The following CDC42BPA variants were observed in gnomAD, a reference collection of about 807,000 sequenced individuals.
The protein encoded by CDC42BPA is CDC42 binding protein kinase alpha.
A neutral mutation model predicts 223.5 loss-of-function variants in CDC42BPA; 80 were observed. That is an observed-to-expected ratio of 0.36 (90% confidence interval 0.30 to 0.43). The LOEUF (loss-of-function observed/expected upper bound fraction) is 0.43, where lower values mean the gene tolerates loss of function less well. Among genes scored for constraint, CDC42BPA ranks in the 20% least tolerant of loss-of-function variants. The pLI, the probability that CDC42BPA is intolerant of heterozygous loss-of-function variation, is 1.00. For missense variants in CDC42BPA, 1,743 were observed against 2,099.9 expected, an observed-to-expected ratio of 0.83 and a Z score of 3.32; for synonymous variants, 694 against 718.6, an observed-to-expected ratio of 0.97 and a Z score of 0.55.
At chr1:227,179,635 C>CAAA (rs59744442) in intron 5 of CDC42BPA, among the ~76,000 whole-genome samples, 20,026 of 34,114 alleles carry the variant, frequency 0.59, 8,079 homozygotes, top group Middle Eastern at 1. Context: ...GCCTCCATCT[C>CAAA]AAAAAAAAAA....
At chr1:227,135,709 C>T (rs1282486105) in intron 10 of CDC42BPA, among the ~76,000 whole-genome samples, 1 of 151,788 alleles carries the variant, frequency 6.6e-6, no homozygotes, top group Non-Finnish European at 1.5e-5. Flanking sequence ...AAAAAATTAG[C>T]CAGGCATGGT....
chr1:227,173,924 G>A (rs1025116106), intron 5 of CDC42BPA, among the ~76,000 whole-genome samples: 1 of 152,082 alleles, frequency 6.6e-6, no homozygotes, highest in African/African-American at 2.4e-5. Context: ...ACTTGGAGTG[G>A]TCTAACTGGA....
intron 16 of CDC42BPA, among the ~76,000 whole-genome samples, chr1:227,082,709 T>C (rs11811824): frequency 0.3 from 35,412 of 118,522 alleles, 4,947 homozygotes; most frequent in African/African-American, 0.36. Context: ...AATGAGACTC[T>C]GTCTCAAAAA....
At chr1:227,274,244 C>T (rs964753363) in intron 1 of CDC42BPA, among the ~76,000 whole-genome samples, 4 of 152,074 alleles carry the variant, frequency 2.6e-5, no homozygotes, top group Non-Finnish European at 5.9e-5. Flanking sequence ...CTCCACCTTC[C>T]ACACCTTATA....
rs369403944 is a variant in CDC42BPA at position 227,297,967 on chromosome 1, T to TATATATATAC, written c.178+19037_178+19038insGTATATATAT. On this transcript the variant is annotated intron_variant, in intron 1 of 36. Coordinates refer to ENST00000366766, the MANE Select transcript of CDC42BPA (RefSeq NM_001394014.1). The stretch of plus-strand genomic sequence containing the variant: ...GTGTGTGTGTGTGTATATATACATA[T>TATATATATAC]ACACACACACACACATATATACATA... Among the ~76,000 whole-genome samples the TATATATATAC allele has an allele frequency of 5.3e-3, 697 of 132,062 alleles. 8 individuals are homozygous for TATATATATAC. Among genetic ancestry groups the TATATATATAC allele is most frequent in the African/African-American group, 0.019 (657 of 34,198 alleles). The allele number at this position is 132,062 out of a possible 152,430, so 86.6% of individuals were successfully genotyped here. A position where few individuals can be genotyped will look rare whatever the true frequency, so the allele number is the denominator to read the frequency against.
intron 1 of CDC42BPA, among the ~76,000 whole-genome samples, chr1:227,259,457 C>T (rs749382824): frequency 1.1e-4 from 17 of 151,044 alleles, no homozygotes; most frequent in Non-Finnish European, 2.4e-4. Context: ...GGAAGTGTTC[C>T]GATAGCTTCC....
intron 6 of CDC42BPA, among the ~76,000 whole-genome samples, chr1:227,159,784 C>T (rs1182717132): frequency 6.6e-6 from 1 of 152,082 alleles, no homozygotes; most frequent in African/African-American, 2.4e-5. Flanking sequence ...CCTCAGCCTC[C>T]CAAAGTGTTG....
intron 6 of CDC42BPA, among the ~76,000 whole-genome samples, chr1:227,159,912 T>C (rs1339748915): frequency 6.6e-6 from 1 of 151,956 alleles, no homozygotes; most frequent in African/African-American, 2.4e-5. Context: ...GGTGCAATCT[T>C]GGCTCACTGC....
intron 35 of CDC42BPA, among the ~76,000 whole-genome samples, chr1:226,996,577 A>T (rs916928430): frequency 7.2e-5 from 11 of 152,196 alleles, no homozygotes; most frequent in Admixed American, 5.9e-4. Context: ...GCTTTTGCCC[A>T]TTCGGTATGA....
chr1:227,221,403 A>T (rs1463614796), intron 2 of CDC42BPA, among the ~76,000 whole-genome samples: 1 of 152,116 alleles, frequency 6.6e-6, no homozygotes, highest in Non-Finnish European at 1.5e-5. Flanking sequence ...TGTTCAGCAA[A>T]TGTCTTAAAT....
intron 22 of CDC42BPA, among the ~76,000 whole-genome samples, chr1:227,051,676 G>T (rs2148872131): frequency 6.6e-6 from 1 of 152,216 alleles, no homozygotes; most frequent in African/African-American, 2.4e-5. Context: ...AGTTAGTTTT[G>T]TCTATTTCAG....
chr1:227,153,972 T>G, intron 6 of CDC42BPA, among the ~76,000 whole-genome samples: 1 of 151,896 alleles, frequency 6.6e-6, no homozygotes, highest in East Asian at 1.9e-4. Context: ...AAAAAAATTA[T>G]ACTCCAGTCT....
chr1:227,152,234 C>T (rs1047146311), intron 6 of CDC42BPA, among the ~76,000 whole-genome samples: 11 of 151,986 alleles, frequency 7.2e-5, no homozygotes, highest in African/African-American at 1.5e-4. Context: ...GAGATATTGC[C>T]GAATTTATCT....
At chr1:227,170,375 T>G (rs997066485) in intron 5 of CDC42BPA, among the ~76,000 whole-genome samples, 2 of 151,132 alleles carry the variant, frequency 1.3e-5, no homozygotes, top group African/African-American at 4.9e-5. Flanking sequence ...CAACCACAGG[T>G]GAGCTACTGC....
chr1:227,177,607 C>A (rs879780052), intron 5 of CDC42BPA, among the ~76,000 whole-genome samples: 3 of 152,080 alleles, frequency 2.0e-5, no homozygotes, highest in Admixed American at 2.0e-4. Context: ...GGGTTTGCTG[C>A]AATTTTCTTC....
intron 28 of CDC42BPA, among the ~76,000 whole-genome samples, chr1:227,030,791 TTGAAC>T (rs1479792612): frequency 3.3e-5 from 5 of 152,200 alleles, no homozygotes; most frequent in Non-Finnish European, 7.3e-5. Context: ...ACCATACTCA[TTGAAC>T]TTTTCAGTAT....
In CDC42BPA at chr1:227,301,971, A is replaced by T. The variant is rs1691710701; in HGVS notation, c.178+15034T>A. ...TGCTTCATTTCCTAAGCAACCTTAA[A>T]CCCTCCCCAGATTTTCTAATCTCCT... On this transcript the variant is annotated intron_variant, in intron 1 of 36. Transcript: ENST00000366766. 2.0e-5 allele frequency among the ~76,000 whole-genome samples: 3 copies of T among 151,840 alleles called. No individual in the cohort carries two copies. The South Asian group carries it at 6.3e-4, about 32-fold the overall frequency.
chr1:227,196,124 A>C (rs968774266), intron 4 of CDC42BPA, among the ~76,000 whole-genome samples: 1 of 152,010 alleles, frequency 6.6e-6, no homozygotes, highest in African/African-American at 2.4e-5. Context: ...CAGTCCAATG[A>C]AACAATGCTA....
intron 1 of CDC42BPA, among the ~76,000 whole-genome samples, chr1:227,265,794 T>C (rs910249863): frequency 6.6e-6 from 1 of 152,198 alleles, no homozygotes; most frequent in Non-Finnish European, 1.5e-5. Flanking sequence ...TTTAAGTGAA[T>C]GTTTTTCTTC....
Sources: allele counts gnomAD v4.1 joint callset (sites outside exome capture counted in the v4.1 genomes callset), GRCh38; gene constraint gnomAD v4.1.1; transcripts MANE v1.5; gene names NCBI Gene and HGNC (gene_info 2026-07-23, HGNC 2026-07-21).